KDM4B: variants seen among roughly 807,000 people sequenced by gnomAD.
KDM4B encodes lysine demethylase 4B.
Under a neutral mutation model 125.2 loss-of-function variants are expected in KDM4B, and 32 were observed. That is an observed-to-expected ratio of 0.26 (90% CI 0.19 to 0.34). KDM4B has a LOEUF of 0.34. KDM4B is among the 10% of genes least tolerant of loss of function. The pLI, the probability that KDM4B is intolerant of heterozygous loss-of-function variation, is 1.00. For missense variants in KDM4B, 1,190 were observed against 1,577.7 expected (o/e 0.75, Z 4.16); for synonymous variants, 721 against 677.9 (o/e 1.06, Z -0.99).
chr19:5,055,872 G>T (rs540433885), intron 6 of KDM4B, among the ~76,000 whole-genome samples: 1 of 152,278 alleles, frequency 6.6e-6, no homozygotes, highest in East Asian at 1.9e-4. Flanking sequence ...TCCCCACCGG[G>T]TTCCCTGTTA....
intron 9 of KDM4B, among the ~76,000 whole-genome samples, chr19:5,085,143 C>A (rs927255332): frequency 1.3e-5 from 2 of 152,172 alleles, no homozygotes; most frequent in African/African-American, 4.8e-5. Context: ...TGCCTTCAAT[C>A]CAGTTTAGAA....
At chr19:5,134,212 G>A (rs545525859) in intron 14 of KDM4B, 151 bp downstream of exon 14, 22 of 718,470 alleles carry the variant, frequency 3.1e-5, no homozygotes, top group East Asian at 3.0e-4. Flanking sequence ...CCTGACAGCC[G>A]TAGGCAGAGC....
intron 1 of KDM4B, among the ~76,000 whole-genome samples, chr19:4,972,978 C>G (rs1436439298): frequency 6.6e-6 from 1 of 152,198 alleles, no homozygotes; most frequent in Admixed American, 6.5e-5. Context: ...TCTTTGGCCT[C>G]TGAGCTTTGG....
intron 1 of KDM4B, among the ~76,000 whole-genome samples, chr19:4,990,290 C>T (rs969870112): frequency 2.6e-5 from 4 of 152,096 alleles, no homozygotes; most frequent in Admixed American, 6.6e-5. Context: ...ACCCTGTCCC[C>T]GCCCCACAAA....
intron 6 of KDM4B, among the ~76,000 whole-genome samples, chr19:5,051,428 T>C (rs911897120): frequency 5.9e-5 from 9 of 152,216 alleles, no homozygotes; most frequent in African/African-American, 2.2e-4. Flanking sequence ...GTTGGGGTGT[T>C]TAGGGGACTG....
chr19:5,144,212 C>A, intron 19 of KDM4B, 36 bp from the exon 20 acceptor site: 2 of 1,586,422 alleles, frequency 1.3e-6, no homozygotes, highest in South Asian at 2.3e-5. Context: ...CCGACACCCG[C>A]GCTGACCGCC....
chr19:5,146,771 C>T (rs1233047080), intron 21 of KDM4B, among the ~76,000 whole-genome samples: 1 of 117,622 alleles, frequency 8.5e-6, no homozygotes, highest in Non-Finnish European at 1.7e-5. Flanking sequence ...CCCCCACAAT[C>T]TCTACAAAAA....
chr19:5,042,498 A>G (rs946330802), intron 5 of KDM4B, among the ~76,000 whole-genome samples: 94 of 151,278 alleles, frequency 6.2e-4, no homozygotes, highest in African/African-American at 2.1e-3. Flanking sequence ...ACTACGTCAC[A>G]AGAAAAAAAA....
chr19:5,019,356 GCA>G (rs2036002491), intron 2 of KDM4B, among the ~76,000 whole-genome samples: 3 of 148,616 alleles, frequency 2.0e-5, no homozygotes, highest in Admixed American at 6.7e-5. Context: ...GTGTTGGTGT[GCA>G]GGTGTTGGTG....
chr19:5,077,189 C>T (rs967452373), intron 7 of KDM4B, 178 bp from the exon 8 acceptor site: 2 of 630,038 alleles, frequency 3.2e-6, no homozygotes, highest in East Asian at 2.7e-5. Context: ...GCATCTCCTT[C>T]CCCCCGACCT....
At chr19:5,043,340 G>A (rs1367641264) in intron 5 of KDM4B, among the ~76,000 whole-genome samples, 36 of 143,764 alleles carry the variant, frequency 2.5e-4, no homozygotes, top group East Asian at 2.1e-4. Context: ...CTTATCCTGC[G>A]CAGCATTTAT....
intron 9 of KDM4B, among the ~76,000 whole-genome samples, chr19:5,085,177 GA>G (rs2145886104): frequency 6.6e-6 from 1 of 152,338 alleles, no homozygotes; most frequent in Non-Finnish European, 1.5e-5. Context: ...CTACAGCAGG[GA>G]AGGCTTGAGA....
At chr19:5,130,479 G>A (rs1263349478) in intron 11 of KDM4B, among the ~76,000 whole-genome samples, 2 of 152,192 alleles carry the variant, frequency 1.3e-5, no homozygotes, top group African/African-American at 4.8e-5. Flanking sequence ...GCGGAAGGGT[G>A]TCGGGCCCCA....
At chr19:5,113,752 C>T in intron 10 of KDM4B, 1 of 324,908 alleles carries the variant, frequency 3.1e-6, no homozygotes, top group Non-Finnish European at 4.4e-6. Flanking sequence ...CTAGACATCG[C>T]CCAGTCCCCC....
intron 2 of KDM4B, among the ~76,000 whole-genome samples, chr19:5,021,024 A>G (rs1294602131): frequency 6.6e-6 from 1 of 151,884 alleles, no homozygotes; most frequent in African/African-American, 2.4e-5. Context: ...GCGTGTGCCT[A>G]CAATCCCAGC....
At chr19:5,098,679 C>T (rs911112869) in intron 9 of KDM4B, among the ~76,000 whole-genome samples, 3 of 152,024 alleles carry the variant, frequency 2.0e-5, no homozygotes, top group African/African-American at 4.8e-5. Flanking sequence ...CTCTGGGAGG[C>T]GACGAGGGCA....
At chr19:4,986,258 G>C (rs895459018) in intron 1 of KDM4B, among the ~76,000 whole-genome samples, 1 of 152,236 alleles carries the variant, frequency 6.6e-6, no homozygotes, top group African/African-American at 2.4e-5. Context: ...GCTTGGTTTG[G>C]AGTCTAGAGC....
intron 1 of KDM4B, among the ~76,000 whole-genome samples, chr19:4,992,209 C>T (rs2035053013): frequency 1.3e-5 from 2 of 152,092 alleles, no homozygotes; most frequent in Admixed American, 6.6e-5. Flanking sequence ...TTACCTTCGA[C>T]AGTTTTACTG....
chr19:5,052,606 G>C (rs914952281), intron 6 of KDM4B, among the ~76,000 whole-genome samples: 1 of 152,202 alleles, frequency 6.6e-6, no homozygotes, highest in East Asian at 1.9e-4. Context: ...TCCATCTCCT[G>C]CTGGCAGCTC....
Sources: allele counts gnomAD v4.1 joint callset (sites outside exome capture counted in the v4.1 genomes callset), GRCh38; gene constraint gnomAD v4.1.1; transcripts MANE v1.5; gene names NCBI Gene and HGNC (gene_info 2026-07-23, HGNC 2026-07-21).